The following TMEM235 variants were observed in gnomAD, a reference collection of about 807,000 sequenced individuals.
TMEM235 encodes transmembrane protein 235, also known as claudin-27.
TMEM235 carries 23 observed loss-of-function variants against 22.9 expected under a neutral mutation model. The observed-to-expected ratio is 1.00, with a 90% CI of 0.72 to 1.42. The LOEUF (loss-of-function observed/expected upper bound fraction) is 1.42, where lower values mean the gene tolerates loss of function less well. Among genes scored for constraint, TMEM235 ranks in the 40% most tolerant of loss-of-function variants. The pLI, the probability that TMEM235 is intolerant of heterozygous loss-of-function variation, is 0.00. For missense variants in TMEM235, 308 were observed against 299.5 expected, an observed-to-expected ratio of 1.03 and a Z score of -0.21; for synonymous variants, 137 against 140.5, an observed-to-expected ratio of 0.98 and a Z score of 0.17.
Position 78,238,821 on chromosome 17 carries a change from C to A in TMEM235, c.410-203C>A, listed in dbSNP as rs945171411. On this transcript the variant is annotated intron_variant, in intron 4 of 5. Transcript: ENST00000421688. The surrounding 1 kb of genome is among the most constrained non-coding windows in gnomAD (Gnocchi z 4.3). ...TGACTACCTTTAGCCCTGTCCAACC[C>A]CAAGCAGGAGGTGGTGTCTGGGAGA... Among the ~76,000 whole-genome samples the A allele has an allele frequency of 6.6e-6, 1 of 151,950 alleles. No individual in the cohort carries two copies. Among genetic ancestry groups the A allele is most frequent in the Non-Finnish European group, 1.5e-5 (1 of 67,984 alleles).
At chr17:78,234,417 T>C (rs1381474561) in intron 3 of TMEM235, 176 bp from the exon 3 acceptor site, 1 of 980,568 alleles carries the variant, frequency 1.0e-6, no homozygotes, top group East Asian at 2.6e-5. Flanking sequence ...CTCCTGGCCT[T>C]AGGAAGCCCC....
At chr17:78,231,925 C>CCCGCCCG (rs1191645687) in exon 2 of TMEM235, 59 of 991,674 alleles carry the variant, frequency 5.9e-5, no homozygotes, top group Non-Finnish European at 6.7e-5. Context: ...CGCCGCCGCG[C>CCCGCCCG]CCGCCCGCCC....
rs55893266 is a variant in TMEM235 at position 78,238,550 on chromosome 17, C to CTGTGTGTGTGTGTGTG, written c.410-453_410-438dup. ...GCTGCTGCCAGCAGAGGCCATGGCT[C>CTGTGTGTGTGTGTGTG]TGTGTGTGTGTGTGTGTGTGTGTGT... On this transcript the variant is annotated intron_variant, in intron 4 of 5. Transcript: ENST00000421688. This position sits in a 1 kb window ranked among gnomAD's most constrained non-coding sequence, Gnocchi z 4.3. 9.4e-5 allele frequency among the ~76,000 whole-genome samples: 13 copies of CTGTGTGTGTGTGTGTG among 138,228 alleles called. No homozygotes were observed. Among genetic ancestry groups the CTGTGTGTGTGTGTGTG allele is most frequent in the Non-Finnish European group, 1.7e-4 (11 of 63,866 alleles). The allele number at this position is 138,228 out of a possible 152,430, so 90.7% of individuals were successfully genotyped here. A position where few individuals can be genotyped will look rare whatever the true frequency, so the allele number is the denominator to read the frequency against.
At chr17:78,234,651 C>T in exon 4 of TMEM235, 1 of 1,536,218 alleles carries the variant, frequency 6.5e-7, no homozygotes, top group Non-Finnish European at 8.7e-7. Flanking sequence ...TCGTGTGTGG[C>T]TGGATCTGCG....
At position 78,237,269 on chromosome 17, in the gene TMEM235, A is replaced by AG. The variant is rs1257374788; in HGVS notation, c.410-1753dup. 6.6e-6 allele frequency among the ~76,000 whole-genome samples: 1 copy of AG among 152,114 alleles called. No homozygotes were observed. On this transcript the variant is annotated intron_variant, in intron 4 of 5. Coordinates refer to ENST00000421688, the Ensembl canonical transcript of TMEM235. This position sits in a 1 kb window ranked among gnomAD's most constrained non-coding sequence, Gnocchi z 4.7. ...GCCCTCACCCCTCACTAGCACTGCA[A>AG]GGAGGGGGAGGGAGATAGAGGGCCC...
exon 4 of TMEM235, chr17:78,234,634 G>T: frequency 1.3e-6 from 2 of 1,536,236 alleles, no homozygotes; most frequent in Non-Finnish European, 1.7e-6. Context: ...CCTGAGCCTG[G>T]TCCTTCTCGT....
chr17:78,240,405 CCAGGCCCG>C (rs1159214455), exon 6 of TMEM235: 7 of 174,752 alleles, frequency 4.0e-5, no homozygotes, highest in Non-Finnish European at 2.5e-5. Flanking sequence ...GTTTGCAGGC[CCAGGCCCG>C]CAGGCCCACT....
intron 3 of TMEM235, 78 bp downstream of exon 2, chr17:78,234,053 T>A (rs1006352359): frequency 9.3e-6 from 12 of 1,287,138 alleles, no homozygotes; most frequent in African/African-American, 4.4e-5. Context: ...CCCATCCCCA[T>A]CCCGCAGCAC....
At chr17:78,232,202 G>T (rs1184112831) in exon 2 of TMEM235, 5 of 1,480,052 alleles carry the variant, frequency 3.4e-6, no homozygotes, top group Admixed American at 2.3e-5. Flanking sequence ...GGGCTCTGGC[G>T]CATCTGCGAA....
chr17:78,238,955 G>T lies in TMEM235; in HGVS notation c.410-69G>T. The T allele has an allele frequency of 6.7e-7, 1 of 1,488,532 alleles. No homozygotes were observed. The highest frequency in any genetic ancestry group is 9.0e-7 in the Non-Finnish European group (1 of 1,117,122). The allele number at this position is 1,488,532 out of a possible 1,614,324, so 92.2% of individuals were successfully genotyped here. A position where few individuals can be genotyped will look rare whatever the true frequency, so the allele number is the denominator to read the frequency against. On this transcript the variant is annotated intron_variant, in intron 4 of 5. Coordinates refer to ENST00000421688, the Ensembl canonical transcript of TMEM235. The surrounding 1 kb of genome is among the most constrained non-coding windows in gnomAD (Gnocchi z 4.3). Reference sequence around the variant, plus strand: ...GGCCGGGGATGCTGAGGCCATGTCTGCAGGACCACCTGGGCCTGGGCCCGC... The same window carrying T: ...GGCCGGGGATGCTGAGGCCATGTCTTCAGGACCACCTGGGCCTGGGCCCGC...
intron 3 of TMEM235, 65 bp downstream of exon 2, chr17:78,234,040 A>G: frequency 7.6e-7 from 1 of 1,316,284 alleles, no homozygotes. Flanking sequence ...GATCCCAGCC[A>G]TCCCCATCCC....
In TMEM235 at chr17:78,237,300, C is replaced by G. The variant is rs962259084; in HGVS notation, c.410-1724C>G. ...GGGAGGGAGATAGAGGGCCCCAGAT[C>G]GATTGGGTGCCCTTCCCTGAGACAG... On this transcript the variant is annotated intron_variant, in intron 4 of 5. Transcript: ENST00000421688. The surrounding 1 kb of genome is among the most constrained non-coding windows in gnomAD (Gnocchi z 4.7). Among the ~76,000 whole-genome samples the G allele has an allele frequency of 6.6e-6, 1 of 152,074 alleles. No individual in the cohort carries two copies. The highest frequency in any genetic ancestry group is 1.9e-4 in the East Asian group (1 of 5,186).
chr17:78,234,286 A>G (rs1483398102), intron 3 of TMEM235: 1 of 687,672 alleles, frequency 1.5e-6, no homozygotes, highest in Non-Finnish European at 2.7e-6. Flanking sequence ...CTGGCTCCCC[A>G]TTTAGGACTC....
intron 3 of TMEM235, chr17:78,234,268 G>A (rs2145917286): frequency 1.5e-6 from 1 of 686,468 alleles, no homozygotes; most frequent in South Asian, 1.5e-5. Flanking sequence ...TGCGGGCCTT[G>A]CAGACTCCTG....
Position 78,238,970 on chromosome 17 carries a change from C to T in TMEM235, c.410-54C>T, listed in dbSNP as rs1340266363. 26 of 1,501,896 alleles carry T rather than the reference C, an allele frequency of 1.7e-5. No individual in the cohort carries two copies. Among genetic ancestry groups the T allele is most frequent in the Non-Finnish European group, 2.0e-5 (22 of 1,123,686 alleles). 93.0% of individuals were successfully genotyped at this position (1,501,896 alleles called of 1,614,324 possible). A position where few individuals can be genotyped will look rare whatever the true frequency, so the allele number is the denominator to read the frequency against. On this transcript the variant is annotated intron_variant, in intron 4 of 5. Transcript: ENST00000421688. This position sits in a 1 kb window ranked among gnomAD's most constrained non-coding sequence, Gnocchi z 4.3. ...GGCCATGTCTGCAGGACCACCTGGG[C>T]CTGGGCCCGCTAGAGCAGACACCGA...
At chr17:78,232,173 G>A in exon 2 of TMEM235, 2 of 1,493,524 alleles carry the variant, frequency 1.3e-6, no homozygotes, top group Non-Finnish European at 1.8e-6. Context: ...GGCGCGCAGA[G>A]CTGCTCTCCT....
At chr17:78,234,033 C>T in intron 3 of TMEM235, 58 bp downstream of exon 2, 7 of 1,384,028 alleles carry the variant, frequency 5.1e-6, no homozygotes, top group Non-Finnish European at 5.8e-6. Flanking sequence ...CAAGGCAGAT[C>T]CCAGCCATCC....
rs979184645 is a variant in TMEM235 at position 78,239,769 on chromosome 17, C to T, written c.660-11C>T. ...GCCCTACTCAATGACTACCCTTTAT[C>T]CATTTTACAGAGGGGGAGACTGAGG... On this transcript the variant is annotated splice_polypyrimidine_tract_variant and intron_variant, in intron 5 of 5. Coordinates refer to ENST00000421688, the Ensembl canonical transcript of TMEM235. The T allele has an allele frequency of 7.2e-6, 11 of 1,537,796 alleles. No homozygotes were observed. Among genetic ancestry groups the T allele is most frequent in the East Asian group, 4.9e-5 (2 of 40,494 alleles).
intron 4 of TMEM235, among the ~76,000 whole-genome samples, chr17:78,236,262 C>T (rs1053450630): frequency 3.3e-5 from 5 of 150,186 alleles, no homozygotes; most frequent in African/African-American, 9.7e-5. Context: ...CCCCTCACCA[C>T]ACCCTTCTCC....
Sources: allele counts gnomAD v4.1 joint callset (sites outside exome capture counted in the v4.1 genomes callset), GRCh38; gene constraint gnomAD v4.1.1; non-coding constraint Gnocchi (gnomAD v3.1); transcripts MANE v1.5; gene names NCBI Gene and HGNC (gene_info 2026-07-23, HGNC 2026-07-21).